The following ROBO1 variants were observed in gnomAD, a reference collection of about 807,000 sequenced individuals.
ROBO1 encodes the protein roundabout guidance receptor 1.
ROBO1 carries 149 observed loss-of-function variants against 195.9 expected under a neutral mutation model. The ratio of observed to expected loss-of-function variants is 0.76; its 90% confidence interval spans 0.67 to 0.87. The LOEUF (loss-of-function observed/expected upper bound fraction) is 0.87, where lower values mean the gene tolerates loss of function less well. Among genes scored for constraint, ROBO1 ranks in the 40% least tolerant of loss-of-function variants. The pLI, the probability that ROBO1 is intolerant of heterozygous loss-of-function variation, is 0.00. For missense variants in ROBO1, 1,933 were observed against 2,068.3 expected, an observed-to-expected ratio of 0.93 and a Z score of 1.27; for synonymous variants, 816 against 733.2, an observed-to-expected ratio of 1.11 and a Z score of -1.82.
chr3:79,489,913 T>A (rs1269983741), intron 2 of ROBO1, among the ~76,000 whole-genome samples: 1 of 152,200 alleles, frequency 6.6e-6, no homozygotes, highest in African/African-American at 2.4e-5. Context: ...ATATAATATG[T>A]ATTTCAAAGG....
intron 2 of ROBO1, among the ~76,000 whole-genome samples, chr3:79,342,400 A>C (rs76281178): frequency 0.013 from 1,920 of 152,236 alleles, 50 homozygotes; most frequent in African/African-American, 0.045. Flanking sequence ...GAAAGTGATA[A>C]ATTTGTCAGA....
intron 1 of ROBO1, among the ~76,000 whole-genome samples, chr3:79,745,044 C>G (rs1396795815): frequency 6.6e-6 from 1 of 152,048 alleles, no homozygotes; most frequent in African/African-American, 2.4e-5. Flanking sequence ...CAGAAGGGTG[C>G]TAGTTAAGTG....
chr3:78,728,715 C>G (rs1479308533), intron 5 of ROBO1, among the ~76,000 whole-genome samples: 1 of 152,086 alleles, frequency 6.6e-6, no homozygotes, highest in African/African-American at 2.4e-5. Context: ...TCTAAAAATT[C>G]CTGGTGACAT....
chr3:79,055,256 T>G (rs2078783158), intron 3 of ROBO1, among the ~76,000 whole-genome samples: 2 of 152,222 alleles, frequency 1.3e-5, no homozygotes, highest in South Asian at 4.2e-4. Flanking sequence ...CTCAACTGCT[T>G]TTACTACCTA....
chr3:79,424,082 G>A (rs2038342127), intron 2 of ROBO1, among the ~76,000 whole-genome samples: 1 of 152,022 alleles, frequency 6.6e-6, no homozygotes, highest in African/African-American at 2.4e-5. Context: ...TGTTGCTAAA[G>A]CAACATTTCT....
chr3:79,573,029 C>T (rs921514017), intron 2 of ROBO1, among the ~76,000 whole-genome samples: 1 of 152,072 alleles, frequency 6.6e-6, no homozygotes, highest in Non-Finnish European at 1.5e-5. Context: ...CCTGGCTCTG[C>T]TCATTTTTAA....
intron 4 of ROBO1, among the ~76,000 whole-genome samples, chr3:78,873,818 A>C (rs554594917): frequency 6.6e-6 from 1 of 152,208 alleles, no homozygotes; most frequent in African/African-American, 2.4e-5. Flanking sequence ...TTTATGCTGG[A>C]AAGTTTACAC....
intron 2 of ROBO1, among the ~76,000 whole-genome samples, chr3:79,507,205 T>G (rs1940446662): frequency 6.6e-6 from 1 of 152,204 alleles, no homozygotes; most frequent in East Asian, 1.9e-4. Context: ...ACTACATCCC[T>G]TGTGACCTAA....
intron 4 of ROBO1, among the ~76,000 whole-genome samples, chr3:78,861,345 C>T (rs1375965362): frequency 6.6e-6 from 1 of 152,088 alleles, no homozygotes; most frequent in Non-Finnish European, 1.5e-5. Flanking sequence ...CCATGTCTAC[C>T]GGCACAATCC....
At chr3:78,875,169 G>A (rs982811834) in intron 4 of ROBO1, among the ~76,000 whole-genome samples, 1 of 151,976 alleles carries the variant, frequency 6.6e-6, no homozygotes, top group Non-Finnish European at 1.5e-5. Context: ...TGAGTCTTCA[G>A]TCTGTACACA....
intron 3 of ROBO1, among the ~76,000 whole-genome samples, chr3:78,994,559 T>A (rs1205656941): frequency 6.6e-6 from 1 of 152,174 alleles, no homozygotes; most frequent in Non-Finnish European, 1.5e-5. Context: ...TTAAAAGAAC[T>A]TTCAATTGGA....
chr3:78,711,020 T>C (rs1322944143), intron 8 of ROBO1, among the ~76,000 whole-genome samples: 2 of 152,200 alleles, frequency 1.3e-5, no homozygotes, highest in Non-Finnish European at 2.9e-5. Flanking sequence ...TCTGTTCCCT[T>C]TTCACCTCCA....
intron 2 of ROBO1, among the ~76,000 whole-genome samples, chr3:79,299,571 T>C (rs116348265): frequency 0.012 from 1,859 of 152,252 alleles, 34 homozygotes; most frequent in Non-Finnish European, 0.015. Flanking sequence ...TGATATGAGA[T>C]TTGAAAATAA....
chr3:78,961,767 C>T (rs2041358723), intron 3 of ROBO1, among the ~76,000 whole-genome samples: 1 of 152,096 alleles, frequency 6.6e-6, no homozygotes, highest in African/African-American at 2.4e-5. Flanking sequence ...TCACCTTGTA[C>T]AAGAATGTAC....
At chr3:79,323,172 C>G (rs981034715) in intron 2 of ROBO1, among the ~76,000 whole-genome samples, 3 of 151,894 alleles carry the variant, frequency 2.0e-5, no homozygotes, top group African/African-American at 7.3e-5. Flanking sequence ...ACCTCTGCCT[C>G]CTGGGTTCAA....
chr3:79,414,698 T>C (rs1317516411), intron 2 of ROBO1, among the ~76,000 whole-genome samples: 1 of 152,168 alleles, frequency 6.6e-6, no homozygotes, highest in Non-Finnish European at 1.5e-5. Flanking sequence ...TCAGTATTAA[T>C]TTTAGGTCAT....
intron 1 of ROBO1, among the ~76,000 whole-genome samples, chr3:79,633,742 GA>G (rs1286469972): frequency 9.3e-5 from 14 of 151,346 alleles, no homozygotes; most frequent in African/African-American, 3.2e-4. Context: ...AAAAACACAA[GA>G]AAAAATAACC....
intron 2 of ROBO1, among the ~76,000 whole-genome samples, chr3:79,383,357 G>A (rs185509225): frequency 1.7e-4 from 26 of 151,978 alleles, no homozygotes; most frequent in Middle Eastern, 6.8e-3. Context: ...AAAAATTTCC[G>A]TAAGATTTAC....
intron 2 of ROBO1, among the ~76,000 whole-genome samples, chr3:79,407,090 TTGTG>T (rs757221006): frequency 6.6e-6 from 1 of 151,960 alleles, no homozygotes; most frequent in African/African-American, 2.4e-5. Context: ...TGCTAATTTT[TTGTG>T]TGTGTGTATT....
Sources: allele counts gnomAD v4.1 joint callset (sites outside exome capture counted in the v4.1 genomes callset), GRCh38; gene constraint gnomAD v4.1.1; transcripts MANE v1.5; gene names NCBI Gene and HGNC (gene_info 2026-07-23, HGNC 2026-07-21).